The following TENM2 variants were observed in gnomAD, a reference collection of about 807,000 sequenced individuals.
TENM2 encodes teneurin transmembrane protein 2.
A neutral mutation model predicts 245.2 loss-of-function variants in TENM2; 52 were observed. The ratio of observed to expected loss-of-function variants is 0.21; its 90% CI spans 0.17 to 0.27. The LOEUF is 0.27. Among genes scored for constraint, TENM2 ranks in the 10% least tolerant of loss-of-function variants. TENM2 has a pLI of 1.00. For missense variants in TENM2, 3,046 were observed against 3,666.8 expected (o/e 0.83, Z 4.37); for synonymous variants, 1,363 against 1,438.9 (o/e 0.95, Z 1.19).
At chr5:168,227,964 G>C in exon 25 of TENM2, 2 of 1,613,738 alleles carry the variant, frequency 1.2e-6, no homozygotes, top group Non-Finnish European at 1.7e-6. Context: ...AATGGGATGG[G>C]TATCAGCTTC....
intron 9 of TENM2, among the ~76,000 whole-genome samples, chr5:168,101,761 C>T (rs1471048650): frequency 6.6e-6 from 1 of 152,110 alleles, no homozygotes; most frequent in Non-Finnish European, 1.5e-5. Context: ...TGCTTTTCCC[C>T]GATTTCTCCA....
At chr5:168,253,472 C>A (rs1767333565) in intron 27 of TENM2, among the ~76,000 whole-genome samples, 1 of 145,454 alleles carries the variant, frequency 6.9e-6, no homozygotes, top group Non-Finnish European at 1.5e-5. Context: ...GTCGCCCAGG[C>A]TGGAGTGCAG....
chr5:167,921,004 A>G (rs1777325852), intron 3 of TENM2, among the ~76,000 whole-genome samples: 1 of 152,232 alleles, frequency 6.6e-6, no homozygotes, highest in African/African-American at 2.4e-5. Context: ...CTGATGATAT[A>G]TTGATAGGCT....
chr5:168,098,078 C>T (rs758453793), exon 9 of TENM2: 20 of 1,613,542 alleles, frequency 1.2e-5, no homozygotes, highest in Middle Eastern at 1.6e-4. Flanking sequence ...AATGTGTGTC[C>T]GGGGTGTGTC....
At chr5:168,070,942 G>GAAGGA (rs149744148) in intron 7 of TENM2, among the ~76,000 whole-genome samples, 17 of 151,172 alleles carry the variant, frequency 1.1e-4, no homozygotes, top group African/African-American at 2.7e-4. Flanking sequence ...GTTACAGAAA[G>GAAGGA]AAGGAAAGGA....
intron 12 of TENM2, among the ~76,000 whole-genome samples, chr5:168,146,337 GA>G (rs1056369998): frequency 7.4e-5 from 11 of 148,416 alleles, no homozygotes; most frequent in East Asian, 2.0e-4. Context: ...GGGAGATAAT[GA>G]AAAAAAAAAG....
At chr5:167,733,742 A>T (rs907162959) in intron 2 of TENM2, among the ~76,000 whole-genome samples, 1 of 152,228 alleles carries the variant, frequency 6.6e-6, no homozygotes, top group African/African-American at 2.4e-5. Context: ...CCAGAAAACT[A>T]GCCAATGTTT....
the TENM2 span, among the ~76,000 whole-genome samples, chr5:167,256,955 T>C: frequency 6.6e-6 from 1 of 152,236 alleles, no homozygotes; most frequent in South Asian, 2.1e-4. Flanking sequence ...GTTTGCTGAA[T>C]GTTGTGAGAT....
At chr5:167,071,878 G>GCCCCCCCCCCCCCCCCCCCCCCCCCCC in the TENM2 span, among the ~76,000 whole-genome samples, 1 of 124,026 alleles carries the variant, frequency 8.1e-6, no homozygotes, top group Non-Finnish European at 1.7e-5. Flanking sequence ...TTGACAAATC[G>GCCCCCCCCCCCCCCCCCCCCCCCCCCC]CCCCCCCCCG....
chr5:167,930,994 T>G (rs940285129), intron 3 of TENM2, among the ~76,000 whole-genome samples: 1 of 152,168 alleles, frequency 6.6e-6, no homozygotes, highest in Admixed American at 6.5e-5. Context: ...CCTTTAATTC[T>G]TACAAAAAAG....
chr5:167,058,180 C>T, the TENM2 span, among the ~76,000 whole-genome samples: 26 of 152,218 alleles, frequency 1.7e-4, no homozygotes, highest in Non-Finnish European at 3.5e-4. Flanking sequence ...GCAGTGACTT[C>T]AAGGCTCTCT....
chr5:167,886,021 T>G (rs1444687436), intron 3 of TENM2, among the ~76,000 whole-genome samples: 2 of 152,210 alleles, frequency 1.3e-5, no homozygotes, highest in African/African-American at 4.8e-5. Context: ...AGCTCCCTTC[T>G]GGCTCCCCTT....
chr5:167,138,085 G>T, the TENM2 span, among the ~76,000 whole-genome samples: 1 of 152,160 alleles, frequency 6.6e-6, no homozygotes, highest in African/African-American at 2.4e-5. Context: ...TGAAAGGTAG[G>T]CACAGGGAAG....
Position 167,368,762 on chromosome 5 carries a change from G to C in TENM2, c.227-6436G>C, listed in dbSNP as rs115151803. 3.5e-3 allele frequency among the ~76,000 whole-genome samples: 539 copies of C among 152,146 alleles called. 8 individuals are homozygous for C. The highest frequency in any genetic ancestry group is 0.012 in the African/African-American group (509 of 41,502). ...TGCAGTGAAAGAGCGCTGCTTCGTC[G>C]CGGCAGGGCAGAGTTGAGATTTTAG... is the stretch of plus-strand genomic sequence containing the variant. On this transcript the variant is annotated intron_variant, in intron 1 of 28. Coordinates refer to ENST00000518659, the Ensembl canonical transcript of TENM2.
chr5:167,314,809 C>T (rs980791587), intron 1 of TENM2, among the ~76,000 whole-genome samples: 5 of 152,064 alleles, frequency 3.3e-5, no homozygotes, highest in Admixed American at 3.3e-4. Context: ...ACACATTTAC[C>T]TGTCACCCAT....
chr5:167,355,031 A>G (rs1287372792), intron 1 of TENM2, among the ~76,000 whole-genome samples: 1 of 152,178 alleles, frequency 6.6e-6, no homozygotes, highest in East Asian at 1.9e-4. Context: ...GGAATAAGAT[A>G]CGATATTGTA....
chr5:166,984,993 C>T, the TENM2 span, among the ~76,000 whole-genome samples: 3 of 152,130 alleles, frequency 2.0e-5, no homozygotes, highest in Admixed American at 1.3e-4. Flanking sequence ...TGAGCTAAAT[C>T]TGATGCTAAA....
At chr5:167,164,995 C>G in the TENM2 span, 1 of 152,084 alleles carries the variant, frequency 6.6e-6, no homozygotes, top group African/African-American at 2.4e-5. Context: ...TTACTTTTCC[C>G]CAAACAAGTA....
chr5:167,378,864 CTTT>C (rs35919553), intron 2 of TENM2, among the ~76,000 whole-genome samples: 11 of 136,180 alleles, frequency 8.1e-5, no homozygotes, highest in Non-Finnish European at 6.3e-5. Context: ...TAAAAATTTC[CTTT>C]TTTTTTTTTT....
Sources: allele counts gnomAD v4.1 joint callset (sites outside exome capture counted in the v4.1 genomes callset), GRCh38; gene constraint gnomAD v4.1.1; transcripts MANE v1.5; gene names NCBI Gene and HGNC (gene_info 2026-07-23, HGNC 2026-07-21).